The following NXPE2 variants were observed in gnomAD, a reference collection of about 807,000 sequenced individuals.
The protein encoded by NXPE2 is NXPE family member 2.
In NXPE2, 34 loss-of-function variants were observed where a neutral mutation model predicts 34.4. The ratio of observed to expected loss-of-function variants is 0.99; its 90% CI spans 0.75 to 1.31. NXPE2 has a LOEUF of 1.31. Among genes scored for constraint, NXPE2 ranks in the 40% most tolerant of loss-of-function variants. NXPE2 has a pLI of 0.00. For missense variants in NXPE2, 649 were observed against 672.5 expected (o/e 0.97, Z 0.39); for synonymous variants, 235 against 231.3 (o/e 1.02, Z -0.15).
chr11:114,719,660 C>T, the NXPE2 span, among the ~76,000 whole-genome samples: 3 of 152,264 alleles, frequency 2.0e-5, no homozygotes, highest in Non-Finnish European at 2.9e-5. Flanking sequence ...CAGCTGTCGC[C>T]AGCCTCAAGT....
At chr11:114,800,778 GAAGATA>G in the NXPE2 span, among the ~76,000 whole-genome samples, 1 of 132,692 alleles carries the variant, frequency 7.5e-6, no homozygotes, top group Non-Finnish European at 1.7e-5. Flanking sequence ...CTGTTTAAAA[GAAGATA>G]AAGATACCCA....
chr11:114,652,255 T>G, the NXPE2 span, among the ~76,000 whole-genome samples: 1 of 152,210 alleles, frequency 6.6e-6, no homozygotes, highest in Non-Finnish European at 1.5e-5. Context: ...AAAGTATTTA[T>G]GGACATTGAG....
the NXPE2 span, among the ~76,000 whole-genome samples, chr11:114,803,038 A>T: frequency 1.3e-5 from 2 of 152,162 alleles, no homozygotes; most frequent in African/African-American, 2.4e-5. Flanking sequence ...CTCTCAAGGA[A>T]GATCAGACGA....
chr11:114,729,250 A>T, the NXPE2 span, among the ~76,000 whole-genome samples: 1 of 152,072 alleles, frequency 6.6e-6, no homozygotes, highest in African/African-American at 2.4e-5. Context: ...ACATGATTTC[A>T]TTCTTTTTTA....
chr11:114,587,079 C>G, the NXPE2 span, among the ~76,000 whole-genome samples: 3 of 152,186 alleles, frequency 2.0e-5, no homozygotes, highest in South Asian at 2.1e-4. Flanking sequence ...TATTGTTGGC[C>G]CTTTGCGGAA....
the NXPE2 span, among the ~76,000 whole-genome samples, chr11:114,601,797 TG>T: frequency 3.5e-3 from 242 of 68,410 alleles, 11 homozygotes; most frequent in African/African-American, 0.017. Context: ...ATGTGATATA[TG>T]ATTATATATT....
At chr11:114,477,823 T>C in the NXPE2 span, among the ~76,000 whole-genome samples, 2 of 152,100 alleles carry the variant, frequency 1.3e-5, no homozygotes, top group South Asian at 2.1e-4. Context: ...TATCTGCTTA[T>C]GTATAAAAGA....
rs779661473 is a variant in NXPE2, at chr11:114,698,657, G to C, written c.745G>C (p.Asp249His). 3.7e-6 allele frequency: 6 copies of C among 1,614,064 alleles called. No homozygotes were observed. In the African/African-American group the frequency reaches 8.0e-5, roughly 22 times the overall value. The change falls in exon 3 of 6, where the codon GAC becomes CAC. Residue 249 changes from aspartate (D) to histidine (H), a missense_variant. Asp to His is a moderately conservative substitution (Grantham distance 81). Coordinates refer to ENST00000389586, the MANE Select transcript of NXPE2 (RefSeq NM_182495.6). ...AELCQYMDDR[D>H]QEAFYCVRPQ... is the part of the protein sequence containing the mutation. ...ACTGTGCCAGTACATGGATGACAGA[G>C]ACCAAGAAGCCTTCTACTGTGTGAG...
chr11:114,799,504 G>A, the NXPE2 span, among the ~76,000 whole-genome samples: 147,617 of 152,272 alleles, frequency 0.97, 71,721 homozygotes, highest in Middle Eastern at 1. Context: ...AAGCCAGTGG[G>A]CACTTTGAGG....
chr11:114,489,367 A>T, the NXPE2 span, among the ~76,000 whole-genome samples: 1 of 152,230 alleles, frequency 6.6e-6, no homozygotes, highest in Non-Finnish European at 1.5e-5. Context: ...TGAGGCCAGC[A>T]TCATCCTGAT....
the NXPE2 span, among the ~76,000 whole-genome samples, chr11:114,752,195 A>G: frequency 6.6e-6 from 1 of 152,256 alleles, no homozygotes; most frequent in Non-Finnish European, 1.5e-5. Context: ...TAGAACAAAT[A>G]TGAAGCCCCT....
chr11:114,791,537 A>C, the NXPE2 span, among the ~76,000 whole-genome samples: 2 of 152,350 alleles, frequency 1.3e-5, no homozygotes, highest in African/African-American at 4.8e-5. Flanking sequence ...TCAAGATATC[A>C]GTGCTGATAT....
chr11:114,626,211 C>T, the NXPE2 span, among the ~76,000 whole-genome samples: 1 of 152,210 alleles, frequency 6.6e-6, no homozygotes. Flanking sequence ...GTAGGCTCCA[C>T]CTCTGGGGGC....
At chr11:114,512,886 T>G in the NXPE2 span, 1 of 243,096 alleles carries the variant, frequency 4.1e-6, no homozygotes, top group Non-Finnish European at 8.2e-6. Flanking sequence ...CACTTGAGTT[T>G]GAAACCAGAG....
chr11:114,786,548 AG>A, the NXPE2 span, among the ~76,000 whole-genome samples: 1 of 152,184 alleles, frequency 6.6e-6, no homozygotes, highest in Non-Finnish European at 1.5e-5. Flanking sequence ...TGAGGAGTAC[AG>A]GTTGCTAAAT....
At chr11:114,577,797 C>T in the NXPE2 span, among the ~76,000 whole-genome samples, 2 of 152,206 alleles carry the variant, frequency 1.3e-5, no homozygotes, top group East Asian at 3.9e-4. Flanking sequence ...ACCCTATTTC[C>T]CCAGCCACTC....
At position 114,698,773 on chromosome 11, in the gene NXPE2, C is replaced by G; in HGVS notation, c.861C>G (p.Phe287Leu). The G allele has an allele frequency of 6.5e-7, 1 of 1,547,024 alleles. No homozygotes were observed. The highest frequency in any genetic ancestry group is 1.2e-5 in the South Asian group (1 of 81,100). Residue 287 changes from phenylalanine to leucine, a missense_variant, in exon 3 of 6, where the codon TTC becomes TTG. Transcript: ENST00000389586. ...SYLSKEEWRL[F>L]HRSNIGVEMM... ...TTAGCAAGGAAGAATGGAGGCTTTTCCACAGGTAAAGAGGCTTTTAAATAC... is the reference window on the plus strand; with the variant it reads ...TTAGCAAGGAAGAATGGAGGCTTTTGCACAGGTAAAGAGGCTTTTAAATAC...
chr11:114,478,985 A>G, the NXPE2 span, among the ~76,000 whole-genome samples: 1 of 152,212 alleles, frequency 6.6e-6, no homozygotes, highest in Non-Finnish European at 1.5e-5. Flanking sequence ...AGTGTGACTC[A>G]TGGAAAAGCA....
At chr11:114,680,247 T>C (rs981320876) in intron 2 of NXPE2, among the ~76,000 whole-genome samples, 3 of 152,166 alleles carry the variant, frequency 2.0e-5, no homozygotes, top group Admixed American at 6.6e-5. Context: ...TTTCAGAAAC[T>C]CTGCTTTTAT....
Sources: gnomAD v4.1 joint callset for allele counts (sites outside exome capture counted in the v4.1 genomes callset) on GRCh38, gnomAD v4.1.1 for gene constraint, MANE v1.5 for transcripts, NCBI Gene and HGNC (gene_info 2026-07-23, HGNC 2026-07-21) for gene names.